PARD3B: variants seen among roughly 807,000 people sequenced by gnomAD.
PARD3B encodes par-3 family cell polarity regulator beta.
In PARD3B, 103 loss-of-function variants were observed where a neutral mutation model predicts 130.2. That is an observed-to-expected ratio of 0.79 (90% CI 0.67 to 0.93). The LOEUF is 0.93. Among genes scored for constraint, PARD3B ranks in the 40% least tolerant of loss-of-function variants. The probability of loss-of-function intolerance (pLI) is 0.00; values close to 1 mark genes in which losing one functional copy is unlikely to be tolerated. For synonymous variants in PARD3B, 583 were observed against 553.2 expected (o/e 1.05, Z -0.76); for missense variants, 1,609 against 1,499.2 (o/e 1.07, Z -1.21).
chr2:204,600,917 A>T (rs1466211505), intron 1 of PARD3B, among the ~76,000 whole-genome samples: 1 of 151,824 alleles, frequency 6.6e-6, no homozygotes, highest in African/African-American at 2.4e-5. Flanking sequence ...CCAACTGTTT[A>T]GTTTAAAATA....
At chr2:205,305,660 T>A (rs1351569191) in intron 18 of PARD3B, among the ~76,000 whole-genome samples, 1 of 152,206 alleles carries the variant, frequency 6.6e-6, no homozygotes, top group Non-Finnish European at 1.5e-5. Context: ...CTACAGACTT[T>A]CTGAGTTCAA....
chr2:204,934,290 A>G (rs1688245275), intron 2 of PARD3B, among the ~76,000 whole-genome samples: 1 of 152,256 alleles, frequency 6.6e-6, no homozygotes, highest in African/African-American at 2.4e-5. Flanking sequence ...TGTTTAATGC[A>G]GCATGAGAGA....
chr2:204,948,094 T>C (rs1044213163), intron 2 of PARD3B, among the ~76,000 whole-genome samples: 1 of 152,166 alleles, frequency 6.6e-6, no homozygotes. Flanking sequence ...CCAATACATA[T>C]GTGTTGGTAT....
intron 18 of PARD3B, among the ~76,000 whole-genome samples, chr2:205,381,651 C>T (rs1003361056): frequency 2.6e-5 from 4 of 151,896 alleles, no homozygotes; most frequent in African/African-American, 4.8e-5. Flanking sequence ...GCTTCATGTC[C>T]GTTTCCTTTG....
At chr2:204,812,924 T>G (rs2043011843) in intron 2 of PARD3B, among the ~76,000 whole-genome samples, 1 of 152,188 alleles carries the variant, frequency 6.6e-6, no homozygotes, top group Non-Finnish European at 1.5e-5. Flanking sequence ...CCTGCCATGC[T>G]CATGTTTGCT....
intron 21 of PARD3B, among the ~76,000 whole-genome samples, chr2:205,551,339 C>A (rs953009832): frequency 2.0e-5 from 3 of 151,284 alleles, no homozygotes; most frequent in African/African-American, 7.3e-5. Flanking sequence ...CTGTCCTTCA[C>A]TTCTTCCTTT....
intron 3 of PARD3B, among the ~76,000 whole-genome samples, chr2:204,975,744 C>T (rs1692086245): frequency 6.6e-6 from 1 of 152,198 alleles, no homozygotes; most frequent in South Asian, 2.1e-4. Context: ...TCTATTCTGA[C>T]ACAAAATACC....
intron 2 of PARD3B, among the ~76,000 whole-genome samples, chr2:204,690,157 G>T (rs2037288362): frequency 6.6e-6 from 1 of 152,066 alleles, no homozygotes; most frequent in Non-Finnish European, 1.5e-5. Flanking sequence ...CAGATTATTT[G>T]ATTTAGATAC....
At chr2:204,883,983 C>T (rs980437653) in intron 2 of PARD3B, among the ~76,000 whole-genome samples, 12 of 152,030 alleles carry the variant, frequency 7.9e-5, no homozygotes, top group African/African-American at 1.9e-4. Flanking sequence ...GTGATCCACC[C>T]GCCTTGGCCT....
At chr2:205,523,961 C>T (rs529728253) in intron 21 of PARD3B, among the ~76,000 whole-genome samples, 151 of 151,616 alleles carry the variant, frequency 1.0e-3, no homozygotes, top group Non-Finnish European at 2.0e-3. Flanking sequence ...GTTTGAAGTA[C>T]GTAACAAATT....
intron 2 of PARD3B, among the ~76,000 whole-genome samples, chr2:204,798,325 A>G (rs1216040330): frequency 1.3e-5 from 2 of 152,220 alleles, no homozygotes; most frequent in African/African-American, 4.8e-5. Flanking sequence ...GGCAGAATTC[A>G]GGTGGCACTC....
chr2:204,732,583 C>T (rs1483551700), intron 2 of PARD3B, among the ~76,000 whole-genome samples: 1 of 150,472 alleles, frequency 6.6e-6, no homozygotes, highest in Non-Finnish European at 1.5e-5. Context: ...CAGCTCACTG[C>T]AAGCTCTGCC....
chr2:205,293,339 A>T (rs2041677730), intron 16 of PARD3B, among the ~76,000 whole-genome samples: 1 of 152,206 alleles, frequency 6.6e-6, no homozygotes, highest in East Asian at 1.9e-4. Context: ...AACAATCAAA[A>T]GCAGAAGAAA....
intron 20 of PARD3B, among the ~76,000 whole-genome samples, chr2:205,481,110 G>A (rs141540265): frequency 1.9e-4 from 29 of 152,276 alleles, no homozygotes; most frequent in African/African-American, 6.3e-4. Context: ...GTAGACCCTG[G>A]GGAATGGTTT....
chr2:205,396,257 A>G (rs1316317122), intron 18 of PARD3B, among the ~76,000 whole-genome samples: 1 of 152,138 alleles, frequency 6.6e-6, no homozygotes, highest in Non-Finnish European at 1.5e-5. Flanking sequence ...ACTTATCACA[A>G]CTAACAATTA....
chr2:204,823,003 G>A (rs2043426144), intron 2 of PARD3B, among the ~76,000 whole-genome samples: 1 of 152,072 alleles, frequency 6.6e-6, no homozygotes, highest in African/African-American at 2.4e-5. Flanking sequence ...AAGTTTGGGG[G>A]ACACTTCAAG....
chr2:204,775,520 A>T (rs909534367), intron 2 of PARD3B, among the ~76,000 whole-genome samples: 15 of 152,138 alleles, frequency 9.9e-5, no homozygotes, highest in African/African-American at 3.6e-4. Context: ...ATGGAGCTGG[A>T]GGAGCCAGGA....
intron 2 of PARD3B, among the ~76,000 whole-genome samples, chr2:204,844,209 A>C (rs2044369453): frequency 6.6e-6 from 1 of 152,148 alleles, no homozygotes; most frequent in South Asian, 2.1e-4. Context: ...CCAAGGAATT[A>C]TGTAATTATT....
intron 19 of PARD3B, among the ~76,000 whole-genome samples, chr2:205,436,122 C>T (rs1446666238): frequency 6.6e-6 from 1 of 152,158 alleles, no homozygotes; most frequent in Non-Finnish European, 1.5e-5. Context: ...AAAGAGGGAC[C>T]TTAGCTAGTG....
Sources: gnomAD v4.1 joint callset for allele counts (sites outside exome capture counted in the v4.1 genomes callset) on GRCh38, gnomAD v4.1.1 for gene constraint, MANE v1.5 for transcripts, NCBI Gene and HGNC (gene_info 2026-07-23, HGNC 2026-07-21) for gene names.